PCDHA7: variants seen among roughly 807,000 people sequenced by gnomAD.
PCDHA7 encodes the protein protocadherin alpha-7.
In PCDHA7, 37 loss-of-function variants were observed where a neutral mutation model predicts 57.2. That is an observed-to-expected ratio of 0.65 (90% CI 0.50 to 0.85). PCDHA7 has a LOEUF of 0.85. Ranked by LOEUF, PCDHA7 falls within the 40% of genes least tolerant of loss-of-function variation. The pLI, the probability that PCDHA7 is intolerant of heterozygous loss-of-function variation, is 0.00. For missense variants in PCDHA7, 1,188 were observed against 1,241.8 expected, an observed-to-expected ratio of 0.96 and a Z score of 0.65; for synonymous variants, 553 against 558.8, an observed-to-expected ratio of 0.99 and a Z score of 0.15.
intron 1 of PCDHA7, among the ~76,000 whole-genome samples, chr5:140,952,331 T>G (rs1302386893): frequency 1.8e-5 from 2 of 112,488 alleles, no homozygotes; most frequent in African/African-American, 7.8e-5. Context: ...AGAGTGAAAC[T>G]CCATCTCAAA....
chr5:140,991,003 A>C (rs1228444549), intron 3 of PCDHA7, among the ~76,000 whole-genome samples: 1 of 152,190 alleles, frequency 6.6e-6, no homozygotes, highest in East Asian at 1.9e-4. Flanking sequence ...ATTTATTGAG[A>C]ACTGTGATAA....
chr5:140,985,063 G>C (rs2097134230), intron 3 of PCDHA7, among the ~76,000 whole-genome samples: 1 of 151,948 alleles, frequency 6.6e-6, no homozygotes, highest in African/African-American at 2.4e-5. Flanking sequence ...TCAGCCTCCT[G>C]AGTAGCTGAG....
intron 1 of PCDHA7, chr5:140,927,755 C>T (rs1388061408): frequency 6.2e-7 from 1 of 1,614,196 alleles, no homozygotes; most frequent in South Asian, 1.1e-5. Flanking sequence ...CACGTGCACC[C>T]TAAAAGTGGG....
intron 3 of PCDHA7, among the ~76,000 whole-genome samples, chr5:141,000,383 C>G (rs1324907388): frequency 4.7e-5 from 3 of 63,178 alleles, no homozygotes; most frequent in South Asian, 1.1e-3. Flanking sequence ...CTCTCTCTCT[C>G]TCTCTCTCTC....
intron 1 of PCDHA7, chr5:140,867,818 C>G (rs1319756642): frequency 6.6e-6 from 1 of 152,040 alleles, no homozygotes; most frequent in African/African-American, 2.4e-5. Flanking sequence ...AATTCCATTT[C>G]CACAAGCACT....
chr5:140,869,698 T>C (rs782072995), intron 1 of PCDHA7: 4 of 1,613,236 alleles, frequency 2.5e-6, no homozygotes, highest in Middle Eastern at 1.6e-4. Context: ...TTTAAAGAAG[T>C]CTCTGGATAG....
chr5:140,950,254 T>C (rs1554219388), intron 1 of PCDHA7, among the ~76,000 whole-genome samples: 1 of 152,040 alleles, frequency 6.6e-6, no homozygotes. Context: ...CCTAAAGAGC[T>C]GAGTTTATCC....
intron 1 of PCDHA7, among the ~76,000 whole-genome samples, chr5:140,925,108 G>A (rs77719760): frequency 1.1e-3 from 139 of 124,762 alleles, no homozygotes; most frequent in African/African-American, 2.5e-3. Flanking sequence ...GAAGGAAGGA[G>A]GGAAGGAAGG....
At chr5:140,979,690 A>G (rs2096860224) in intron 2 of PCDHA7, among the ~76,000 whole-genome samples, 1 of 152,252 alleles carries the variant, frequency 6.6e-6, no homozygotes, top group Non-Finnish European at 1.5e-5. Context: ...ATTAACTACC[A>G]TTATTTCTGG....
rs2150374471 is a variant in PCDHA7, at chr5:140,844,869, T to C, written c.2355+8131T>C. Among the ~76,000 whole-genome samples the C allele has an allele frequency of 2.0e-5, 3 of 149,476 alleles. No homozygotes were observed. The Admixed American group carries it at 2.0e-4, about 10-fold the overall frequency. On this transcript the variant is annotated intron_variant, in intron 1 of 3. Transcript: ENST00000525929. ...CTGTTGGACCTGCCTGGATATTAAA[T>C]ACCCATTAGACTTCGTGCATATTGC... is the stretch of plus-strand genomic sequence containing the variant.
At chr5:140,989,546 CT>C (rs1343132361) in intron 3 of PCDHA7, among the ~76,000 whole-genome samples, 1 of 152,140 alleles carries the variant, frequency 6.6e-6, no homozygotes, top group African/African-American at 2.4e-5. Context: ...TTTGTAATTC[CT>C]TTACGTTTTG....
At chr5:140,914,778 T>G (rs942539067) in intron 1 of PCDHA7, among the ~76,000 whole-genome samples, 1 of 152,138 alleles carries the variant, frequency 6.6e-6, no homozygotes, top group African/African-American at 2.4e-5. Flanking sequence ...ATGACTTATC[T>G]TATGACCCAT....
intron 1 of PCDHA7, among the ~76,000 whole-genome samples, chr5:140,972,062 A>G (rs1398109338): frequency 6.6e-6 from 1 of 152,246 alleles, no homozygotes; most frequent in Admixed American, 6.5e-5. Flanking sequence ...AGTCGTATAT[A>G]TTAACTGCTT....
In PCDHA7 at chr5:140,871,470, G is replaced by A. The variant is rs782433204; in HGVS notation, c.2355+34732G>A. ...AAGAGGAGGAAGGGGAAAGACAGGAGCCAGGGTCAAATCACCCCGGACAGG... is the reference window on the plus strand; with the variant it reads ...AAGAGGAGGAAGGGGAAAGACAGGAACCAGGGTCAAATCACCCCGGACAGG... On this transcript the variant is annotated intron_variant, in intron 1 of 3. Coordinates refer to ENST00000525929, the MANE Select transcript of PCDHA7 (RefSeq NM_018910.3). The A allele has an allele frequency of 3.1e-6, 5 of 1,601,030 alleles. No individual in the cohort carries two copies. In the South Asian group the frequency reaches 4.5e-5, roughly 14 times the overall value.
intron 1 of PCDHA7, chr5:140,859,616 C>G (rs978716581): frequency 6.2e-6 from 1 of 162,228 alleles, no homozygotes; most frequent in Non-Finnish European, 1.3e-5. Flanking sequence ...TCTTTCCTTT[C>G]TCTTTGAGTA....
chr5:140,972,130 TTAC>T (rs1424151392), intron 1 of PCDHA7, among the ~76,000 whole-genome samples: 1 of 152,022 alleles, frequency 6.6e-6, no homozygotes, highest in Non-Finnish European at 1.5e-5. Flanking sequence ...TATCAGTGAG[TTAC>T]TACTATTTTT....
At chr5:141,009,262 C>T (rs2098403740) in intron 3 of PCDHA7, among the ~76,000 whole-genome samples, 2 of 152,112 alleles carry the variant, frequency 1.3e-5, no homozygotes, top group Non-Finnish European at 2.9e-5. Flanking sequence ...TGAGACCAGC[C>T]TGGGCAACAT....
intron 1 of PCDHA7, chr5:140,969,442 T>G (rs1554231813): frequency 1.6e-5 from 25 of 1,543,830 alleles, no homozygotes; most frequent in Non-Finnish European, 2.2e-5. Flanking sequence ...AGTTATCTGG[T>G]AAACTGAGTA....
chr5:140,869,687 T>C, intron 1 of PCDHA7: 1 of 1,613,474 alleles, frequency 6.2e-7, no homozygotes, highest in Non-Finnish European at 8.5e-7. Context: ...CTGTCACTTA[T>C]TTTAAAGAAG....
Sources: gnomAD v4.1 joint callset for allele counts (sites outside exome capture counted in the v4.1 genomes callset) on GRCh38, gnomAD v4.1.1 for gene constraint, MANE v1.5 for transcripts, NCBI Gene and HGNC (gene_info 2026-07-23, HGNC 2026-07-21) for gene names.